Variants in TENM3 observed in about 807,000 individuals in gnomAD.
TENM3 encodes teneurin transmembrane protein 3.
TENM3 carries 63 observed loss-of-function variants against 255.1 expected under a neutral mutation model. That is an observed-to-expected ratio of 0.25 (90% CI 0.20 to 0.30). TENM3 has a LOEUF of 0.30. TENM3 is among the 10% of genes least tolerant of loss of function. The pLI is 1.00. For missense variants in TENM3, 2,929 were observed against 3,461.1 expected, an observed-to-expected ratio of 0.85 and a Z score of 3.86; for synonymous variants, 1,306 against 1,322.3, an observed-to-expected ratio of 0.99 and a Z score of 0.27.
chr4:182,144,545 G>T (rs1749758500), upstream of TENM3: 1 of 149,412 alleles, frequency 6.7e-6, no homozygotes, highest in South Asian at 2.1e-4. Flanking sequence ...CGGGCCGCGC[G>T]GCCGGGGGCG....
intron 22 of TENM3, among the ~76,000 whole-genome samples, chr4:182,765,629 C>G (rs1439835858): frequency 6.6e-6 from 1 of 152,076 alleles, no homozygotes; most frequent in African/African-American, 2.4e-5. Context: ...TTCCTCCTTA[C>G]TCACCTCCGT....
chr4:182,579,899 G>A (rs1159212713), intron 3 of TENM3, among the ~76,000 whole-genome samples: 1 of 152,112 alleles, frequency 6.6e-6, no homozygotes, highest in African/African-American at 2.4e-5. Flanking sequence ...TTTAGTGCTG[G>A]CTACAGAGGG....
chr4:181,999,862 T>G, the TENM3 span, among the ~76,000 whole-genome samples: 1 of 152,168 alleles, frequency 6.6e-6, no homozygotes, highest in Non-Finnish European at 1.5e-5. Context: ...TTGATATAAG[T>G]TCATTATGGA....
chr4:182,259,637 A>G (rs962472897), intron 1 of TENM3, among the ~76,000 whole-genome samples: 32 of 152,102 alleles, frequency 2.1e-4, no homozygotes, highest in Admixed American at 2.1e-3. Flanking sequence ...TTTTATTGAT[A>G]TGTAACAGAT....
chr4:182,226,839 G>A (rs897780100), intron 1 of TENM3, among the ~76,000 whole-genome samples: 3 of 152,154 alleles, frequency 2.0e-5, no homozygotes, highest in African/African-American at 7.2e-5. Context: ...GTCCCTCTCT[G>A]CCACTCCACC....
intron 1 of TENM3, among the ~76,000 whole-genome samples, chr4:182,230,190 T>G (rs1456651625): frequency 6.7e-6 from 1 of 148,870 alleles, no homozygotes; most frequent in African/African-American, 2.5e-5. Flanking sequence ...GTACCTGATC[T>G]CTAAATAACT....
the TENM3 span, among the ~76,000 whole-genome samples, chr4:181,754,182 T>C: frequency 6.6e-6 from 1 of 152,110 alleles, no homozygotes; most frequent in African/African-American, 2.4e-5. Flanking sequence ...GTCTTGAAGT[T>C]ATCTATGATG....
chr4:182,632,512 C>A (rs1184964764), intron 5 of TENM3, among the ~76,000 whole-genome samples: 1 of 152,156 alleles, frequency 6.6e-6, no homozygotes, highest in African/African-American at 2.4e-5. Flanking sequence ...ACTAGTAGCG[C>A]TGACTATCTT....
At chr4:181,670,745 C>T in the TENM3 span, among the ~76,000 whole-genome samples, 2 of 152,204 alleles carry the variant, frequency 1.3e-5, no homozygotes, top group East Asian at 1.9e-4. Flanking sequence ...CTGTGTCTGT[C>T]GCAGGAGGAA....
At chr4:182,430,739 G>A (rs553692702) in intron 3 of TENM3, among the ~76,000 whole-genome samples, 9 of 152,284 alleles carry the variant, frequency 5.9e-5, no homozygotes, top group African/African-American at 1.4e-4. Flanking sequence ...TGGGCTGGGC[G>A]TGGTGGCTCA....
chr4:181,615,747 G>A, the TENM3 span, among the ~76,000 whole-genome samples: 1 of 152,184 alleles, frequency 6.6e-6, no homozygotes, highest in Non-Finnish European at 1.5e-5. Flanking sequence ...AACAAAATAT[G>A]TTAGTTGATT....
rs1702024775 is a variant in TENM3 at position 182,799,734 on chromosome 4, C to T, written c.7483C>T (p.Leu2495=). The change falls in exon 28 of 28, where the codon CTG becomes TTG. Residue 2495 remains leucine (L), a synonymous_variant. Coordinates refer to ENST00000511685, the MANE Select transcript of TENM3 (RefSeq NM_001080477.4). The surrounding 1 kb of genome is among the most constrained non-coding windows in gnomAD (Gnocchi z 4.2). The part of the protein sequence containing the change: ...SWLWFATVKS[L]IGKGVMLAVS... ...GCTGTGGTTCGCCACGGTCAAGTCG[C>T]TGATCGGCAAGGGCGTCATGCTGGC... The T allele has an allele frequency of 3.2e-6, 5 of 1,557,774 alleles. No homozygotes were observed. In the Admixed American group the frequency reaches 9.7e-5, roughly 30 times the overall value.
chr4:181,895,320 C>T, the TENM3 span, among the ~76,000 whole-genome samples: 10 of 151,876 alleles, frequency 6.6e-5, no homozygotes, highest in African/African-American at 1.5e-4. Flanking sequence ...AGGCTTAGGT[C>T]GTTCCATGAG....
intron 3 of TENM3, among the ~76,000 whole-genome samples, chr4:182,460,262 T>A (rs1004779637): frequency 4.6e-5 from 7 of 152,200 alleles, no homozygotes; most frequent in African/African-American, 1.7e-4. Flanking sequence ...TTTATCTATG[T>A]CTTAAGCTCA....
the TENM3 span, among the ~76,000 whole-genome samples, chr4:182,115,011 ATC>A: frequency 6.6e-6 from 1 of 151,918 alleles, no homozygotes; most frequent in East Asian, 1.9e-4. Flanking sequence ...GTGAAACCTC[ATC>A]TCTGGAATAA....
At chr4:181,931,253 T>A in the TENM3 span, among the ~76,000 whole-genome samples, 1 of 152,202 alleles carries the variant, frequency 6.6e-6, no homozygotes, top group Non-Finnish European at 1.5e-5. Context: ...CATAATTGTA[T>A]ATTTGGAAAA....
Position 182,773,480 on chromosome 4 carries a change from G to A in TENM3, c.4901G>A (p.Ser1634Asn), listed in dbSNP as rs1176475872. Residue 1634 changes from serine (S) to asparagine (N), a missense_variant, in exon 23 of 28, where the codon AGT (serine) becomes AAT (asparagine). Ser to Asn is a conservative substitution (Grantham distance 46). Transcript: ENST00000511685. ...TGWTTFFDYD[S>N]EGRLTNVTFP... ...ATGCCTCTTGTATTTAGCTATGACA[G>A]TGAAGGTCGTCTGACAAATGTTACG... 1 of 1,611,732 alleles carries A rather than the reference G, an allele frequency of 6.2e-7. No homozygotes were observed. The highest frequency in any genetic ancestry group is 1.7e-5 in the Admixed American group (1 of 59,662).
intron 5 of TENM3, chr4:182,631,745 T>C (rs1438652472): frequency 1.3e-5 from 2 of 152,174 alleles, no homozygotes; most frequent in Non-Finnish European, 2.9e-5. Context: ...AGAATTCCCT[T>C]CTCTTATATT....
intron 3 of TENM3, among the ~76,000 whole-genome samples, chr4:182,455,623 A>G (rs955204503): frequency 7.4e-6 from 1 of 134,456 alleles, no homozygotes; most frequent in African/African-American, 2.9e-5. Flanking sequence ...GTGCAGTGGC[A>G]TGATCTCGCC....
Sources: allele counts gnomAD v4.1 joint callset (sites outside exome capture counted in the v4.1 genomes callset), GRCh38; gene constraint gnomAD v4.1.1; non-coding constraint Gnocchi (gnomAD v3.1); transcripts MANE v1.5; gene names NCBI Gene and HGNC (gene_info 2026-07-23, HGNC 2026-07-21).